ZNF729: variants seen among roughly 807,000 people sequenced by gnomAD.
ZNF729 encodes the protein zinc finger protein 729.
A neutral mutation model predicts 12.2 loss-of-function variants in ZNF729; 15 were observed. That is an observed-to-expected ratio of 1.23 (90% CI 0.82 to 1.89). ZNF729 has a LOEUF of 1.89. ZNF729 is among the 40% of genes most tolerant of loss of function. The pLI is 0.00. For synonymous variants in ZNF729, 492 were observed against 476.3 expected (o/e 1.03, Z -0.43); for missense variants, 1,540 against 1,456.7 (o/e 1.06, Z -0.93).
rs1158032768 is a variant in ZNF729 at position 22,314,731 on chromosome 19, CA to C, written c.1317del (p.Ala440LeufsTer9). On this transcript the variant is annotated frameshift_variant, in exon 4 of 4. Transcript: ENST00000601693. LOFTEE classifies it low-confidence loss of function (END_TRUNC). ...AACCCTACAAATGTGAAGAATGTGG[CA>C]AAGCTTTTAACAGTTCCTCAACCCT... ...KKPYKCEECG[K>X]AFNSSSTLMK... The C allele has an allele frequency of 1.2e-6, 2 of 1,612,250 alleles. No individual in the cohort carries two copies. The highest frequency in any genetic ancestry group is 1.7e-6 in the Non-Finnish European group (2 of 1,179,652).
chr19:22,286,837 G>A (rs376041600), intron 1 of ZNF729, among the ~76,000 whole-genome samples: 1 of 152,346 alleles, frequency 6.6e-6, no homozygotes, highest in African/African-American at 2.4e-5. Context: ...CCGAGATTGT[G>A]CAGGGACCAC....
intron 1 of ZNF729, among the ~76,000 whole-genome samples, chr19:22,298,661 C>T (rs571474631): frequency 2.6e-5 from 4 of 151,958 alleles, no homozygotes; most frequent in Non-Finnish European, 5.9e-5. Context: ...TTACAGACAC[C>T]CACCACCATG....
At position 22,303,786 on chromosome 19, in the gene ZNF729, T is replaced by C. The variant is rs749304643; in HGVS notation, c.59T>C (p.Ile20Thr). 1 of 1,572,748 alleles carries C rather than the reference T, an allele frequency of 6.4e-7. No individual in the cohort carries two copies. The highest frequency in any genetic ancestry group is 1.1e-5 in the South Asian group (1 of 90,464). ...CCATTGACATTTAGAGATGTGACCA[T>C]AGAATTCTCTCTGGAGGAGTGGCAA... ...MGPLTFRDVT[I>T]EFSLEEWQCL... is the part of the protein sequence containing the mutation. The change falls in exon 2 of 4, where the codon ATA becomes ACA. Residue 20 changes from isoleucine to threonine, a missense_variant. Physicochemically the swap from Ile to Thr is moderately conservative, Grantham distance 89. Transcript: ENST00000601693.
chr19:22,294,635 CT>C lies in ZNF729; in HGVS notation c.30+8095del, dbSNP rs796595709. 4.5e-3 allele frequency among the ~76,000 whole-genome samples: 551 copies of C among 121,696 alleles called. 3 individuals carry two copies. The highest frequency in any genetic ancestry group is 0.013 in the African/African-American group (450 of 33,692). The allele number at this position is 121,696 out of a possible 152,430, so 79.8% of individuals were successfully genotyped here. A position where few individuals can be genotyped will look rare whatever the true frequency, so the allele number is the denominator to read the frequency against. On this transcript the variant is annotated intron_variant, in intron 1 of 3. Coordinates refer to ENST00000601693, the MANE Select transcript of ZNF729 (RefSeq NM_001242680.2). Reference sequence around the variant, plus strand: ...TTCCATTTATTTGTGTTATCTCGGACTTTTTTTTTTTTTTTCTTTTTCTTTT... The same window carrying C: ...TTCCATTTATTTGTGTTATCTCGGACTTTTTTTTTTTTTTCTTTTTCTTTT...
At chr19:22,307,316 ATTTTTTTTTT>A (rs35650592) in intron 3 of ZNF729, among the ~76,000 whole-genome samples, 5 of 95,300 alleles carry the variant, frequency 5.2e-5, no homozygotes, top group African/African-American at 1.6e-4. Context: ...ACAATGTAGC[ATTTTTTTTTT>A]TTTTTTTTTT....
At chr19:22,297,751 C>T (rs1306471475) in intron 1 of ZNF729, among the ~76,000 whole-genome samples, 2 of 151,764 alleles carry the variant, frequency 1.3e-5, no homozygotes, top group African/African-American at 4.8e-5. Context: ...TGCCTATAAT[C>T]CCAGCACTTT....
Position 22,314,384 on chromosome 19 carries a change from G to C in ZNF729, c.967G>C (p.Glu323Gln). Residue 323 changes from glutamate (E) to glutamine (Q), a missense_variant, in exon 4 of 4, where the codon GAA becomes CAA. By Grantham distance (29) the Glu-to-Gln change is conservative. Transcript: ENST00000601693. ...TACTGCAGAGAAACCCTACAAATGT[G>C]AAGATTGTGGCAAAACTTTTAACCA... ...IHTAEKPYKC[E>Q]DCGKTFNHFS... The C allele has an allele frequency of 1.9e-6, 3 of 1,591,850 alleles. No individual in the cohort carries two copies. Among genetic ancestry groups the C allele is most frequent in the Non-Finnish European group, 2.6e-6 (3 of 1,166,542 alleles).
intron 1 of ZNF729, among the ~76,000 whole-genome samples, chr19:22,296,628 A>AT (rs1035784554): frequency 2.0e-5 from 3 of 150,776 alleles, no homozygotes; most frequent in Non-Finnish European, 3.0e-5. Context: ...TTATTTATTT[A>AT]TTTTTTTTGT....
chr19:22,313,892 C>T lies in ZNF729; in HGVS notation c.475C>T (p.His159Tyr), dbSNP rs1329106911. 2 of 1,536,748 alleles carry T rather than the reference C, an allele frequency of 1.3e-6. No homozygotes were observed. Among genetic ancestry groups the T allele is most frequent in the African/African-American group, 1.4e-5 (1 of 72,642 alleles). ...GAGAAAAATATTTCAGTGTAACAAA[C>T]ATATGAAAGTCTTTCATAAATATTC... Reference protein sequence around the residue: ...TQRKIFQCNKHMKVFHKYSNR... With the variant: ...TQRKIFQCNKYMKVFHKYSNR... The change falls in exon 4 of 4, where the codon CAT becomes TAT. Residue 159 changes from histidine (H) to tyrosine (Y), a missense_variant. Coordinates refer to ENST00000601693, the MANE Select transcript of ZNF729 (RefSeq NM_001242680.2).
chr19:22,306,697 A>G (rs1162882888), intron 3 of ZNF729, among the ~76,000 whole-genome samples: 1 of 151,390 alleles, frequency 6.6e-6, no homozygotes, highest in African/African-American at 2.4e-5. Context: ...ATTTCAATGG[A>G]ACAAAAAACT....
At chr19:22,301,832 G>T (rs1968309770) in intron 1 of ZNF729, among the ~76,000 whole-genome samples, 1 of 152,308 alleles carries the variant, frequency 6.6e-6, no homozygotes, top group Non-Finnish European at 1.5e-5. Flanking sequence ...TGATACTGGA[G>T]TAGAGTATTG....
intron 1 of ZNF729, among the ~76,000 whole-genome samples, chr19:22,300,480 T>G (rs1298846175): frequency 6.6e-6 from 1 of 152,214 alleles, no homozygotes; most frequent in Admixed American, 6.5e-5. Flanking sequence ...TCAGACATGA[T>G]ATATAAATAT....
At position 22,314,399 on chromosome 19, in the gene ZNF729, A is replaced by G. The variant is rs200921061; in HGVS notation, c.982A>G (p.Thr328Ala). The change falls in exon 4 of 4, where the codon ACT becomes GCT. Residue 328 changes from threonine (T) to alanine (A), a missense_variant. Thr to Ala is a moderately conservative substitution (Grantham distance 58, BLOSUM62 0). Coordinates refer to ENST00000601693, the MANE Select transcript of ZNF729 (RefSeq NM_001242680.2). ...KPYKCEDCGK[T>A]FNHFSALRKH... ...CTACAAATGTGAAGATTGTGGCAAAACTTTTAACCATTTCTCAGCCCTTAG... is the reference window on the plus strand; with the variant it reads ...CTACAAATGTGAAGATTGTGGCAAAGCTTTTAACCATTTCTCAGCCCTTAG... 12,180 of 1,555,280 alleles carry G rather than the reference A, an allele frequency of 7.8e-3. 344 individuals are homozygous for G. Among genetic ancestry groups the G allele is most frequent in the South Asian group, 0.029 (2,496 of 85,378 alleles).
chr19:22,312,955 C>T (rs1347804050), intron 3 of ZNF729, among the ~76,000 whole-genome samples: 6 of 152,114 alleles, frequency 3.9e-5, no homozygotes, highest in Admixed American at 6.5e-5. Flanking sequence ...TCAGGTGATC[C>T]GCCCACCTCG....
intron 2 of ZNF729, 118 bp downstream of exon 2, chr19:22,304,002 T>C: frequency 4.6e-6 from 5 of 1,079,328 alleles, no homozygotes; most frequent in Non-Finnish European, 6.3e-6. Flanking sequence ...ATCCCTGTTT[T>C]CTGGAAACAG....
At chr19:22,307,508 C>T (rs915047901) in intron 3 of ZNF729, among the ~76,000 whole-genome samples, 1 of 150,928 alleles carries the variant, frequency 6.6e-6, no homozygotes, top group African/African-American at 2.4e-5. Flanking sequence ...CTTCGGGAGG[C>T]CAAGGTGGGT....
At chr19:22,307,394 A>T (rs1197796077) in intron 3 of ZNF729, among the ~76,000 whole-genome samples, 37 of 80,486 alleles carry the variant, frequency 4.6e-4, no homozygotes, top group African/African-American at 1.6e-3. Context: ...GAAAGTCTTT[A>T]TTTTTTACTG....
At chr19:22,305,719 C>CAG (rs112304957) in intron 3 of ZNF729, among the ~76,000 whole-genome samples, 3,805 of 152,256 alleles carry the variant, frequency 0.025, 154 homozygotes, top group African/African-American at 0.087. Flanking sequence ...CTATTTGACT[C>CAG]TGCTAAAATT....
intron 1 of ZNF729, among the ~76,000 whole-genome samples, chr19:22,288,572 G>C (rs1037185076): frequency 6.6e-6 from 1 of 152,104 alleles, no homozygotes; most frequent in Non-Finnish European, 1.5e-5. Context: ...GCCTTTCAGG[G>C]AAGCAGGCGG....
Sources: allele counts gnomAD v4.1 joint callset (sites outside exome capture counted in the v4.1 genomes callset), GRCh38; gene constraint gnomAD v4.1.1; transcripts MANE v1.5; gene names NCBI Gene and HGNC (gene_info 2026-07-23, HGNC 2026-07-21).